SMARCA2: variants seen among roughly 807,000 people sequenced by gnomAD.
The protein encoded by SMARCA2 is SWI/SNF related BAF chromatin remodeling complex subunit ATPase 2.
In SMARCA2, 61 loss-of-function variants were observed where a neutral mutation model predicts 199.8. The observed-to-expected ratio is 0.31, with a 90% CI of 0.25 to 0.38. The LOEUF is 0.38. SMARCA2 is among the 10% of genes least tolerant of loss of function. The pLI is 1.00. For missense variants in SMARCA2, 1,344 were observed against 2,012.2 expected, an observed-to-expected ratio of 0.67 and a Z score of 6.35; for synonymous variants, 935 against 732.0, an observed-to-expected ratio of 1.28 and a Z score of -4.48.
chr9:2,159,710 ATT>A, intron 27 of SMARCA2: 1 of 1,452,488 alleles, frequency 6.9e-7, no homozygotes. Context: ...GAAACAGCAG[ATT>A]TGAGTATCCA....
At chr9:2,160,384 T>G in intron 27 of SMARCA2, 1 of 537,162 alleles carries the variant, frequency 1.9e-6, no homozygotes. Context: ...TTCTATGGAT[T>G]TGCACATTGG....
intron 5 of SMARCA2, among the ~76,000 whole-genome samples, chr9:2,052,063 C>T (rs1283953027): frequency 6.6e-6 from 1 of 152,222 alleles, no homozygotes; most frequent in East Asian, 1.9e-4. Context: ...AGAATTTGAA[C>T]AATTTTGCCA....
In SMARCA2 at chr9:2,086,898, G is replaced by A; in HGVS notation, c.2596G>A (p.Val866Ile). ...GAATCACCACTGCAAGCTGACTCAG[G>A]TCTTGAACACTCACTATGTGGCCCC... ...MKNHHCKLTQVLNTHYVAPRR... is the reference protein window; with the variant it reads ...MKNHHCKLTQILNTHYVAPRR... The change falls in exon 18 of 34, where the codon GTC (valine) becomes ATC (isoleucine). Residue 866 changes from valine to isoleucine, a missense_variant. Physicochemically the swap from Val to Ile is conservative, Grantham distance 29 (BLOSUM62 3). This residue lies in a region of SMARCA2 where 19 missense variants were observed against 119.6 expected (regional missense o/e 0.16). Coordinates refer to ENST00000349721, the MANE Select transcript of SMARCA2 (RefSeq NM_003070.5). This position sits in a 1 kb window ranked among gnomAD's most constrained non-coding sequence, Gnocchi z 4.3. 1 of 1,614,164 alleles carries A rather than the reference G, an allele frequency of 6.2e-7. No individual in the cohort carries two copies. Among genetic ancestry groups the A allele is most frequent in the East Asian group, 2.2e-5 (1 of 44,874 alleles).
At chr9:2,157,560 A>G (rs1172086836) in intron 27 of SMARCA2, 3 of 233,574 alleles carry the variant, frequency 1.3e-5, no homozygotes, top group Admixed American at 5.7e-5. Context: ...TTGAGTACTG[A>G]CTTTTCCCGT....
At chr9:2,151,597 A>G (rs767529576) in intron 27 of SMARCA2, among the ~76,000 whole-genome samples, 3 of 152,016 alleles carry the variant, frequency 2.0e-5, no homozygotes, top group African/African-American at 7.3e-5. Context: ...GGCTGGGCCC[A>G]GTGGTGCCTG....
At chr9:2,122,345 G>A (rs1684040629) in intron 26 of SMARCA2, among the ~76,000 whole-genome samples, 1 of 151,318 alleles carries the variant, frequency 6.6e-6, no homozygotes, top group African/African-American at 2.4e-5. Context: ...TTTCTTATTA[G>A]CTCTCTAATA....
At chr9:2,066,140 A>G (rs1347046207) in intron 9 of SMARCA2, among the ~76,000 whole-genome samples, 1 of 152,242 alleles carries the variant, frequency 6.6e-6, no homozygotes, top group Non-Finnish European at 1.5e-5. Flanking sequence ...AACAGAATGG[A>G]TACTTCAGAT....
intron 4 of SMARCA2, chr9:2,044,093 C>A (rs1276063266): frequency 6.6e-6 from 1 of 152,246 alleles, no homozygotes; most frequent in Non-Finnish European, 1.5e-5. Context: ...GCCAGGCAAA[C>A]GAACCCGTAA....
chr9:2,164,103 T>G (rs1054467607), intron 28 of SMARCA2, among the ~76,000 whole-genome samples: 7 of 152,208 alleles, frequency 4.6e-5, no homozygotes, highest in Non-Finnish European at 8.8e-5. Flanking sequence ...CCCGTCACTC[T>G]GTATCATCTC....
In SMARCA2 at chr9:2,033,122, A is replaced by C. The variant is rs1819149271; in HGVS notation, c.355+41A>C. 2.5e-6 allele frequency: 4 copies of C among 1,595,416 alleles called. No individual in the cohort carries two copies. In the East Asian group the frequency reaches 9.0e-5, roughly 36 times the overall value. ...ACACCTGATACTGGTTCCCCAGCAT[A>C]GTCTTTCAGTCTTTCCTGTTGGATA... On this transcript the variant is annotated intron_variant, in intron 3 of 33. Transcript: ENST00000349721.
chr9:2,183,054 G>A (rs1471607109), intron 31 of SMARCA2, among the ~76,000 whole-genome samples: 3 of 152,182 alleles, frequency 2.0e-5, no homozygotes, highest in African/African-American at 7.2e-5. Flanking sequence ...GCCTCCCAAA[G>A]TGCTGGGATT....
intron 27 of SMARCA2, chr9:2,160,718 A>G (rs1365202054): frequency 1.8e-6 from 1 of 556,420 alleles, no homozygotes; most frequent in Non-Finnish European, 3.3e-6. Context: ...AACAAATAAC[A>G]ACATTAGTTA....
chr9:2,061,029 C>T, intron 9 of SMARCA2, 43 bp downstream of exon 9: 1 of 1,582,058 alleles, frequency 6.3e-7, no homozygotes, highest in South Asian at 1.1e-5. Context: ...GGTGTATGGG[C>T]AGGGATAAGT....
chr9:2,184,939 T>G (rs1168903391), intron 31 of SMARCA2, among the ~76,000 whole-genome samples: 1 of 151,868 alleles, frequency 6.6e-6, no homozygotes, highest in Non-Finnish European at 1.5e-5. Context: ...ATTTGCCCAG[T>G]CACTTTTTTG....
chr9:2,159,879 T>C (rs1478108912), intron 27 of SMARCA2: 1 of 1,612,184 alleles, frequency 6.2e-7, no homozygotes, highest in South Asian at 1.1e-5. Context: ...TAACTGTGAT[T>C]TCTGATAGCC....
chr9:2,065,443 G>C (rs1820797865), intron 9 of SMARCA2, among the ~76,000 whole-genome samples: 1 of 150,348 alleles, frequency 6.7e-6, no homozygotes, highest in Admixed American at 6.6e-5. Flanking sequence ...CTTTTATCCT[G>C]TCTCTCTCTC....
intron 27 of SMARCA2, among the ~76,000 whole-genome samples, chr9:2,135,500 G>C (rs914902724): frequency 6.6e-6 from 1 of 152,140 alleles, no homozygotes; most frequent in Non-Finnish European, 1.5e-5. Flanking sequence ...CCTGAACTAA[G>C]ACATGCGTTG....
chr9:2,051,171 A>G (rs4741639), intron 5 of SMARCA2, among the ~76,000 whole-genome samples: 1 of 152,094 alleles, frequency 6.6e-6, no homozygotes, highest in Non-Finnish European at 1.5e-5. Context: ...CTTCTGTGTT[A>G]AAGAAGCCCC....
intron 27 of SMARCA2, among the ~76,000 whole-genome samples, chr9:2,144,699 A>T (rs1381336466): frequency 4.6e-5 from 7 of 152,212 alleles, no homozygotes; most frequent in African/African-American, 1.4e-4. Context: ...AGTAAAATTA[A>T]CAGCCTTCCT....
Sources: allele counts gnomAD v4.1 joint callset (sites outside exome capture counted in the v4.1 genomes callset), GRCh38; gene constraint gnomAD v4.1.1; regional missense constraint gnomAD v4.1.1; non-coding constraint Gnocchi (gnomAD v3.1); transcripts MANE v1.5; gene names NCBI Gene and HGNC (gene_info 2026-07-23, HGNC 2026-07-21).